The following RNF144A variants were observed in gnomAD, a reference collection of about 807,000 sequenced individuals.
RNF144A encodes ring finger protein 144A, also known as E3 ubiquitin-protein ligase RNF144A.
A neutral mutation model predicts 38.7 loss-of-function variants in RNF144A; 11 were observed. That is an observed-to-expected ratio of 0.28 (90% CI 0.18 to 0.47). The LOEUF (loss-of-function observed/expected upper bound fraction) is 0.47. Ranked by LOEUF, RNF144A falls within the 20% of genes least tolerant of loss-of-function variation. The pLI, the probability that RNF144A is intolerant of heterozygous loss-of-function variation, is 0.99. For missense variants in RNF144A, 316 were observed against 377.2 expected (o/e 0.84, Z 1.34); for synonymous variants, 149 against 143.9 (o/e 1.04, Z -0.25).
intron 1 of RNF144A, among the ~76,000 whole-genome samples, chr2:6,919,603 G>A (rs779503217): frequency 2.0e-5 from 1 of 50,112 alleles, no homozygotes; most frequent in Admixed American, 1.8e-4. Context: ...GGGAAGGCAT[G>A]GTGTGGTGTG....
At chr2:6,980,976 T>A (rs1668594339) in intron 2 of RNF144A, among the ~76,000 whole-genome samples, 1 of 152,248 alleles carries the variant, frequency 6.6e-6, no homozygotes. Flanking sequence ...GGCTTAGGGC[T>A]TGCACCCTCT....
At chr2:6,989,526 G>A (rs185671354) in intron 2 of RNF144A, among the ~76,000 whole-genome samples, 74 of 152,128 alleles carry the variant, frequency 4.9e-4, no homozygotes, top group African/African-American at 1.7e-3. Flanking sequence ...TCCCCCACCC[G>A]CTTTTAATAC....
At chr2:7,014,887 G>C in intron 5 of RNF144A, 115 bp downstream of exon 5, 1 of 746,210 alleles carries the variant, frequency 1.3e-6, no homozygotes, top group Non-Finnish European at 2.3e-6. Flanking sequence ...GAGTTAAAAA[G>C]TTGATGTAAA....
intron 7 of RNF144A, among the ~76,000 whole-genome samples, chr2:7,026,519 A>G (rs1163211868): frequency 6.6e-6 from 1 of 150,828 alleles, no homozygotes; most frequent in Admixed American, 6.6e-5. Flanking sequence ...TTTTTTGAAA[A>G]CTGATCATTG....
At chr2:7,063,360 G>A (rs1674054657) in intron 6 of RNF144A, among the ~76,000 whole-genome samples, 2 of 152,302 alleles carry the variant, frequency 1.3e-5, no homozygotes, top group African/African-American at 4.8e-5. Flanking sequence ...AGCTTCCAGG[G>A]GATGGTTGAT....
chr2:7,035,193 G>A (rs1281871374), intron 8 of RNF144A, among the ~76,000 whole-genome samples: 1 of 152,062 alleles, frequency 6.6e-6, no homozygotes, highest in African/African-American at 2.4e-5. Context: ...TCCCTGTCAA[G>A]CTATATCCCT....
intron 2 of RNF144A, among the ~76,000 whole-genome samples, chr2:6,992,570 G>A (rs1033439940): frequency 6.6e-6 from 1 of 152,222 alleles, no homozygotes. Flanking sequence ...AACTGGAGGA[G>A]AGCAGGGACT....
chr2:6,996,760 A>G, intron 2 of RNF144A, 156 bp from the exon 3 acceptor site: 1 of 741,858 alleles, frequency 1.3e-6, no homozygotes, highest in Non-Finnish European at 2.1e-6. Context: ...CTCAAAAAAA[A>G]CCAAAAAATT....
chr2:6,971,219 C>T (rs1240279741), intron 2 of RNF144A, among the ~76,000 whole-genome samples: 2 of 152,102 alleles, frequency 1.3e-5, no homozygotes, highest in East Asian at 3.9e-4. Context: ...GGGAGTCTTG[C>T]CCAGGCCTCT....
intron 2 of RNF144A, among the ~76,000 whole-genome samples, chr2:6,990,560 G>T (rs1669290431): frequency 1.4e-5 from 1 of 72,388 alleles, no homozygotes; most frequent in Admixed American, 1.6e-4. Context: ...GAGAGAGATT[G>T]CTACACACAC....
intron 8 of RNF144A, among the ~76,000 whole-genome samples, chr2:7,037,356 C>A (rs1463439225): frequency 6.6e-6 from 1 of 152,216 alleles, no homozygotes; most frequent in African/African-American, 2.4e-5. Flanking sequence ...AGGATTTTGG[C>A]ATTATTTTGA....
intron 2 of RNF144A, among the ~76,000 whole-genome samples, chr2:6,964,644 A>C (rs1667540551): frequency 6.6e-6 from 1 of 152,236 alleles, no homozygotes; most frequent in Non-Finnish European, 1.5e-5. Flanking sequence ...GCAGCCATAA[A>C]AAATGATGAG....
At chr2:6,932,077 A>G (rs949446314) in intron 1 of RNF144A, among the ~76,000 whole-genome samples, 3 of 152,152 alleles carry the variant, frequency 2.0e-5, no homozygotes, top group African/African-American at 4.8e-5. Context: ...CAGTTTTGCC[A>G]TATGTATTTT....
intron 2 of RNF144A, among the ~76,000 whole-genome samples, chr2:6,969,951 G>A (rs1440746408): frequency 5.9e-5 from 9 of 151,950 alleles, no homozygotes; most frequent in African/African-American, 2.2e-4. Context: ...TAGTAGAGAC[G>A]GGGTTTCACC....
In RNF144A at chr2:7,002,983, C is replaced by CA. The variant is rs554521258; in HGVS notation, c.135+5929dup. ...AATGTGTTTGTGTCTTAGTTTTTAA[C>CA]AAAAAAAGTTTAAAAAAAATAAAAA... On this transcript the variant is annotated intron_variant, in intron 3 of 8. Transcript: ENST00000320892. 4.7e-5 allele frequency among the ~76,000 whole-genome samples: 7 copies of CA among 149,928 alleles called. No individual in the cohort carries two copies. In the South Asian group the frequency reaches 1.5e-3, roughly 31 times the overall value.
intron 1 of RNF144A, among the ~76,000 whole-genome samples, chr2:6,928,064 G>A (rs1479673973): frequency 6.6e-6 from 1 of 152,150 alleles, no homozygotes; most frequent in East Asian, 1.9e-4. Context: ...ATGCCTTGAG[G>A]TTAGTTATGG....
chr2:6,996,739 C>T lies in RNF144A; in HGVS notation c.-11-177C>T, dbSNP rs146444431. The T allele has an allele frequency of 4.6e-3, 2,714 of 594,726 alleles. 10 individuals are homozygous for T. Among genetic ancestry groups the T allele is most frequent in the Non-Finnish European group, 5.8e-3 (1,947 of 338,570 alleles). 36.8% of individuals were successfully genotyped at this position (594,726 alleles called of 1,614,324 possible). ...CTGTACTCCAACCTGGACGACAGAG[C>T]GAGACTCCATCTCAAAAAAAACCAA... On this transcript the variant is annotated intron_variant, in intron 2 of 8. Coordinates refer to ENST00000320892, the MANE Select transcript of RNF144A (RefSeq NM_014746.6).
intron 5 of RNF144A, 114 bp from the exon 6 acceptor site, chr2:7,020,359 C>T (rs309306): frequency 0.45 from 390,274 of 863,310 alleles, 93,571 homozygotes; most frequent in East Asian, 0.76. Context: ...GTGGTGCTGG[C>T]TGTATTACCT....
chr2:7,039,606 A>G, intron 8 of RNF144A, 23 bp from the exon 9 acceptor site: 1 of 1,612,994 alleles, frequency 6.2e-7, no homozygotes, highest in Non-Finnish European at 8.5e-7. Flanking sequence ...CCTTACCTCT[A>G]CCCCTTTGTT....
Sources: gnomAD v4.1 joint callset for allele counts (sites outside exome capture counted in the v4.1 genomes callset) on GRCh38, gnomAD v4.1.1 for gene constraint, MANE v1.5 for transcripts, NCBI Gene and HGNC (gene_info 2026-07-23, HGNC 2026-07-21) for gene names.